The following POU5F2 variants were observed in gnomAD, a reference collection of about 807,000 sequenced individuals.
The protein encoded by POU5F2 is POU domain class 5, transcription factor 2.
For missense variants in POU5F2, 401 were observed against 426.6 expected (o/e 0.94, Z 0.53); for synonymous variants, 191 against 178.7 (o/e 1.07, Z -0.55).
rs1748157376 is a variant in POU5F2 at position 93,740,485 on chromosome 5, TA to T, written c.*91del. 2 of 1,348,480 alleles carry T rather than the reference TA, an allele frequency of 1.5e-6. No individual in the cohort carries two copies. The highest frequency in any genetic ancestry group is 2.0e-6 in the Non-Finnish European group (2 of 985,848). 83.5% of individuals were successfully genotyped at this position (1,348,480 alleles called of 1,614,324 possible). A position where few individuals can be genotyped will look rare whatever the true frequency, so the allele number is the denominator to read the frequency against. On this transcript the variant is annotated 3_prime_UTR_variant, in exon 1 of 1. Transcript: ENST00000606183. Reference sequence around the variant, plus strand: ...TAGACAGTGAATGAGAAATTAATACTAAAAGCCCTCAAATGAACCCTAGGGA... The same window carrying T: ...TAGACAGTGAATGAGAAATTAATACTAAAGCCCTCAAATGAACCCTAGGGA...
rs937069037 is a variant in POU5F2 at position 93,737,665 on chromosome 5, G to C, written c.*2912C>G. ...ATATAGACCAACAGAAGAGAGTTGAGAGCCCAGAAATAATCCCTCACATGT... is the reference window on the plus strand; with the variant it reads ...ATATAGACCAACAGAAGAGAGTTGACAGCCCAGAAATAATCCCTCACATGT... On this transcript the variant is annotated 3_prime_UTR_variant, in exon 1 of 1. Coordinates refer to ENST00000606183, the MANE Select transcript of POU5F2 (RefSeq NM_153216.2). 9.1e-6 allele frequency: 2 copies of C among 219,692 alleles called. No individual in the cohort carries two copies. The highest frequency in any genetic ancestry group is 4.7e-5 in the African/African-American group (2 of 42,238). The allele number at this position is 219,692 out of a possible 1,614,324, so 13.6% of individuals were successfully genotyped here. A position where few individuals can be genotyped will look rare whatever the true frequency, so the allele number is the denominator to read the frequency against.
chr5:93,738,892 A>G lies in POU5F2; in HGVS notation c.*1685T>C, dbSNP rs1029057963. ...ATGGTTGCCTAACATTGTGAATGTA[A>G]TTAATGTCACTGAATTTACACTTAA... On this transcript the variant is annotated 3_prime_UTR_variant, in exon 1 of 1. Transcript: ENST00000606183. The G allele has an allele frequency of 6.6e-6, 1 of 152,236 alleles. No individual in the cohort carries two copies. The highest frequency in any genetic ancestry group is 1.5e-5 in the Non-Finnish European group (1 of 68,040). The allele number at this position is 152,236 out of a possible 1,614,324, so 9.4% of individuals were successfully genotyped here.
At position 93,739,785 on chromosome 5, in the gene POU5F2, C is replaced by T. The variant is rs1747992709; in HGVS notation, c.*792G>A. ...GATCAAGAGAAAGTAAGGGAAATTC[C>T]CAGGGAACCAAATAGAGGTGAAAAC... On this transcript the variant is annotated 3_prime_UTR_variant, in exon 1 of 1. Transcript: ENST00000606183. 6.6e-6 allele frequency: 1 copy of T among 151,906 alleles called. No individual in the cohort carries two copies. The highest frequency in any genetic ancestry group is 2.1e-4 in the South Asian group (1 of 4,816). The allele number at this position is 151,906 out of a possible 1,614,324, so 9.4% of individuals were successfully genotyped here. A position where few individuals can be genotyped will look rare whatever the true frequency, so the allele number is the denominator to read the frequency against.
rs1011654754 is a variant in POU5F2, at chr5:93,737,155, A to G, written c.*3422T>C. 2.0e-5 allele frequency: 3 copies of G among 152,228 alleles called. No individual in the cohort carries two copies. Among genetic ancestry groups the G allele is most frequent in the Admixed American group, 6.5e-5 (1 of 15,288 alleles). The allele number at this position is 152,228 out of a possible 1,614,324, so 9.4% of individuals were successfully genotyped here. ...GTATTTCTATCCATTAGCGATGAAC[A>G]ATTTCAAAAGGAAATGAAGGAAACT... On this transcript the variant is annotated 3_prime_UTR_variant, in exon 1 of 1. Coordinates refer to ENST00000606183, the MANE Select transcript of POU5F2 (RefSeq NM_153216.2).
At position 93,736,255 on chromosome 5, in the gene POU5F2, G is replaced by A. The variant is rs999894113; in HGVS notation, c.*4322C>T. 6.6e-6 allele frequency: 1 copy of A among 152,096 alleles called. No individual in the cohort carries two copies. Among genetic ancestry groups the A allele is most frequent in the Non-Finnish European group, 1.5e-5 (1 of 68,028 alleles). The allele number at this position is 152,096 out of a possible 1,614,324, so 9.4% of individuals were successfully genotyped here. ...TATACAAGTGTATATGTGTAATCTT[G>A]ATACACCTCCATTGTCCACCTGAAA... On this transcript the variant is annotated 3_prime_UTR_variant, in exon 1 of 1. Coordinates refer to ENST00000606183, the MANE Select transcript of POU5F2 (RefSeq NM_153216.2).
At position 93,738,100 on chromosome 5, in the gene POU5F2, G is replaced by A. The variant is rs1747609843; in HGVS notation, c.*2477C>T. ...TAAGGGCTTAATATCCAGACTCTAT[G>A]AAGAAAAGACAAACAACCCAGTTTT... is the stretch of plus-strand genomic sequence containing the variant. On this transcript the variant is annotated 3_prime_UTR_variant, in exon 1 of 1. Coordinates refer to ENST00000606183, the MANE Select transcript of POU5F2 (RefSeq NM_153216.2). 4.7e-6 allele frequency: 1 copy of A among 214,202 alleles called. No homozygotes were observed. The highest frequency in any genetic ancestry group is 2.4e-5 in the African/African-American group (1 of 42,396). The allele number at this position is 214,202 out of a possible 1,614,324, so 13.3% of individuals were successfully genotyped here.
Position 93,734,403 on chromosome 5 carries a change from T to C in POU5F2, c.*6174A>G, listed in dbSNP as rs1746772860. On this transcript the variant is annotated 3_prime_UTR_variant, in exon 1 of 1. Coordinates refer to ENST00000606183, the MANE Select transcript of POU5F2 (RefSeq NM_153216.2). Reference sequence around the variant, plus strand: ...AAAGTGGCAAAAGGGAAGGTGCTTCTTAAATTCTGAAACTGTAGATCTAAA... The same window carrying C: ...AAAGTGGCAAAAGGGAAGGTGCTTCCTAAATTCTGAAACTGTAGATCTAAA... 1 of 152,210 alleles carries C rather than the reference T, an allele frequency of 6.6e-6. No homozygotes were observed. Among genetic ancestry groups the C allele is most frequent in the Non-Finnish European group, 1.5e-5 (1 of 68,040 alleles). The allele number at this position is 152,210 out of a possible 1,614,324, so 9.4% of individuals were successfully genotyped here.
rs780901290 is a variant in POU5F2, at chr5:93,740,971, C to T, written c.593G>A (p.Gly198Asp). The T allele has an allele frequency of 6.2e-7, 1 of 1,613,914 alleles. No individual in the cohort carries two copies. The highest frequency in any genetic ancestry group is 8.5e-7 in the Non-Finnish European group (1 of 1,179,882). ...CAGGATCATCTCCATTTTGCATAAG[C>T]CCAGAAGGTTCTCTGCTTCCACTTC... ...LKEVEAENLL[G>D]LCKMEMILQQ... Residue 198 changes from glycine to aspartate, a missense_variant, in exon 1 of 1, where the codon GGC (glycine) becomes GAC (aspartate). Physicochemically the swap from Gly to Asp is moderately conservative, Grantham distance 94. Transcript: ENST00000606183.
At position 93,741,092 on chromosome 5, in the gene POU5F2, C is replaced by T; in HGVS notation, c.472G>A (p.Val158Met). ...CGGCAGATGGTCGTCTGGCTAAGCA[C>T]CTTCCCAAACAGAGCTCCCACAGCG... ...GIAVGALFGK[V>M]LSQTTICRFE... The change falls in exon 1 of 1, where the codon GTG becomes ATG. Residue 158 changes from valine to methionine, a missense_variant. Transcript: ENST00000606183. 1 of 1,613,892 alleles carries T rather than the reference C, an allele frequency of 6.2e-7. No individual in the cohort carries two copies. The highest frequency in any genetic ancestry group is 8.5e-7 in the Non-Finnish European group (1 of 1,179,900).
At position 93,737,553 on chromosome 5, in the gene POU5F2, A is replaced by G. The variant is rs1747478323; in HGVS notation, c.*3024T>C. 1 of 156,864 alleles carries G rather than the reference A, an allele frequency of 6.4e-6. No homozygotes were observed. The highest frequency in any genetic ancestry group is 2.4e-5 in the African/African-American group (1 of 41,468). 9.7% of individuals were successfully genotyped at this position (156,864 alleles called of 1,614,324 possible). The stretch of plus-strand genomic sequence containing the variant: ...CCATATATATATATATGGAAGAACA[A>G]AATTGGAAGACTCACACTTCCCCAT... On this transcript the variant is annotated 3_prime_UTR_variant, in exon 1 of 1. Coordinates refer to ENST00000606183, the MANE Select transcript of POU5F2 (RefSeq NM_153216.2).
chr5:93,740,718 C>T lies in POU5F2; in HGVS notation c.846G>A (p.Gly282=). Residue 282 remains glycine (G), a synonymous_variant, in exon 1 of 1, where the codon GGG becomes GGA. Transcript: ENST00000606183. ...ACACTGGTGCTCCTGGGCAAGGAGG[C>T]CCGGCTGTCCCCACAATCTCCCGTG... ...ASPREIVGTA[G]PPCPGAPVCF... is the part of the protein sequence containing the mutation. 1 of 1,613,146 alleles carries T rather than the reference C, an allele frequency of 6.2e-7. No individual in the cohort carries two copies. The highest frequency in any genetic ancestry group is 1.1e-5 in the South Asian group (1 of 90,946).
rs1350956719 is a variant in POU5F2 at position 93,740,221 on chromosome 5, G to A, written c.*356C>T. 1.1e-5 allele frequency: 2 copies of A among 177,938 alleles called. No homozygotes were observed. The highest frequency in any genetic ancestry group is 4.7e-5 in the African/African-American group (2 of 42,108). The allele number at this position is 177,938 out of a possible 1,614,324, so 11.0% of individuals were successfully genotyped here. ...TGACTTGAGTTTTTCACTTAGTATT[G>A]TGTTTATGAAAAAATTTAAACCCTA... is the stretch of plus-strand genomic sequence containing the variant. On this transcript the variant is annotated 3_prime_UTR_variant, in exon 1 of 1. Transcript: ENST00000606183.
Position 93,734,742 on chromosome 5 carries a change from G to A in POU5F2, c.*5835C>T, listed in dbSNP as rs978492930. On this transcript the variant is annotated 3_prime_UTR_variant, in exon 1 of 1. Coordinates refer to ENST00000606183, the MANE Select transcript of POU5F2 (RefSeq NM_153216.2). ...ATCTGCCTTTACTAATTATGCCACT[G>A]AAATTATTACTAAAGGTATCAATGG... 1.7e-4 allele frequency: 26 copies of A among 152,088 alleles called. No homozygotes were observed. The highest frequency in any genetic ancestry group is 5.8e-4 in the African/African-American group (24 of 41,418). 9.4% of individuals were successfully genotyped at this position (152,088 alleles called of 1,614,324 possible).
In POU5F2 at chr5:93,738,118, C is replaced by A; in HGVS notation, c.*2459G>T. The A allele has an allele frequency of 4.7e-6, 1 of 211,080 alleles. No individual in the cohort carries two copies. The highest frequency in any genetic ancestry group is 9.8e-6 in the Non-Finnish European group (1 of 102,504). 13.1% of individuals were successfully genotyped at this position (211,080 alleles called of 1,614,324 possible). On this transcript the variant is annotated 3_prime_UTR_variant, in exon 1 of 1. Coordinates refer to ENST00000606183, the MANE Select transcript of POU5F2 (RefSeq NM_153216.2). The stretch of plus-strand genomic sequence containing the variant: ...ACTCTATGAAGAAAAGACAAACAAC[C>A]CAGTTTTAAAAATAGGCAAAGGACT...
In POU5F2 at chr5:93,738,535, G is replaced by C. The variant is rs922076725; in HGVS notation, c.*2042C>G. ...CAGTATCATTCACAATAGCCCATTG[G>C]CTATTAATGAAAACAATCTAAGTGC... is the stretch of plus-strand genomic sequence containing the variant. On this transcript the variant is annotated 3_prime_UTR_variant, in exon 1 of 1. Coordinates refer to ENST00000606183, the MANE Select transcript of POU5F2 (RefSeq NM_153216.2). 6.6e-6 allele frequency: 1 copy of C among 152,130 alleles called. No individual in the cohort carries two copies. The highest frequency in any genetic ancestry group is 2.4e-5 in the African/African-American group (1 of 41,424). 9.4% of individuals were successfully genotyped at this position (152,130 alleles called of 1,614,324 possible).
In POU5F2 at chr5:93,740,527, C is replaced by T. The variant is rs1035247187; in HGVS notation, c.*50G>A. The T allele has an allele frequency of 6.6e-6, 10 of 1,523,612 alleles. No homozygotes were observed. Among genetic ancestry groups the T allele is most frequent in the African/African-American group, 1.4e-5 (1 of 72,046 alleles). 94.4% of individuals were successfully genotyped at this position (1,523,612 alleles called of 1,614,324 possible). ...ACCCTAGGGACATTTCCTGGGTTTTCCCTTCTTCTCCCCTCTCCAACCGTG... is the reference window on the plus strand; with the variant it reads ...ACCCTAGGGACATTTCCTGGGTTTTTCCTTCTTCTCCCCTCTCCAACCGTG... On this transcript the variant is annotated 3_prime_UTR_variant, in exon 1 of 1. Coordinates refer to ENST00000606183, the MANE Select transcript of POU5F2 (RefSeq NM_153216.2).
At position 93,737,961 on chromosome 5, in the gene POU5F2, T is replaced by C. The variant is rs963189964; in HGVS notation, c.*2616A>G. ...AAAGCCTAAGCAACAAAAGAAAAAATGGATAAGCTGGACTTAATAAAAATT... is the reference window on the plus strand; with the variant it reads ...AAAGCCTAAGCAACAAAAGAAAAAACGGATAAGCTGGACTTAATAAAAATT... On this transcript the variant is annotated 3_prime_UTR_variant, in exon 1 of 1. Coordinates refer to ENST00000606183, the MANE Select transcript of POU5F2 (RefSeq NM_153216.2). The C allele has an allele frequency of 6.8e-6, 3 of 442,514 alleles. No homozygotes were observed. The highest frequency in any genetic ancestry group is 2.0e-5 in the African/African-American group (1 of 48,964). 27.4% of individuals were successfully genotyped at this position (442,514 alleles called of 1,614,324 possible).
At position 93,738,442 on chromosome 5, in the gene POU5F2, T is replaced by C. The variant is rs968735907; in HGVS notation, c.*2135A>G. The C allele has an allele frequency of 6.6e-6, 1 of 152,358 alleles. No individual in the cohort carries two copies. The highest frequency in any genetic ancestry group is 2.4e-5 in the African/African-American group (1 of 41,464). The allele number at this position is 152,358 out of a possible 1,614,324, so 9.4% of individuals were successfully genotyped here. ...CTGTATGACTCAGAAATTCCACTCC[T>C]ATGTATACATCCAAGAGAACTGAAA... On this transcript the variant is annotated 3_prime_UTR_variant, in exon 1 of 1. Transcript: ENST00000606183.
In POU5F2 at chr5:93,741,183, C is replaced by T; in HGVS notation, c.381G>A (p.Gln127=). ...EDISGILKEL[Q]QLAKELRQKR... ...TCTGCCTCAACTCCTTGGCCAATTGCTGCAACTCTTTCAGTATGCCCGAGA... is the reference window on the plus strand; with the variant it reads ...TCTGCCTCAACTCCTTGGCCAATTGTTGCAACTCTTTCAGTATGCCCGAGA... The change falls in exon 1 of 1, where the codon CAG becomes CAA. Residue 127 remains glutamine, a synonymous_variant. Transcript: ENST00000606183. 1 of 1,613,906 alleles carries T rather than the reference C, an allele frequency of 6.2e-7. No individual in the cohort carries two copies. The highest frequency in any genetic ancestry group is 8.5e-7 in the Non-Finnish European group (1 of 1,179,876).
Sources: gnomAD v4.1 joint callset for allele counts on GRCh38, gnomAD v4.1.1 for gene constraint, MANE v1.5 for transcripts, NCBI Gene and HGNC (gene_info 2026-07-23, HGNC 2026-07-21) for gene names.